AKAP13: variants seen among roughly 807,000 people sequenced by gnomAD.
AKAP13 encodes A-kinase anchor protein 13.
A neutral mutation model predicts 264.5 loss-of-function variants in AKAP13; 80 were observed. The ratio of observed to expected loss-of-function variants is 0.30; its 90% CI spans 0.25 to 0.36. The LOEUF (loss-of-function observed/expected upper bound fraction) is 0.36, where lower values mean the gene tolerates loss of function less well. Ranked by LOEUF, AKAP13 falls within the 10% of genes least tolerant of loss-of-function variation. The pLI is 1.00. For synonymous variants in AKAP13, 1,380 were observed against 1,250.2 expected, an observed-to-expected ratio of 1.10 and a Z score of -2.19; for missense variants, 3,712 against 3,435.2, an observed-to-expected ratio of 1.08 and a Z score of -2.01.
At chr15:85,701,878 T>C (rs1235418275) in intron 17 of AKAP13, among the ~76,000 whole-genome samples, 1 of 152,134 alleles carries the variant, frequency 6.6e-6, no homozygotes, top group East Asian at 1.9e-4. Flanking sequence ...CCAGAAGTAA[T>C]GTAGAAATAG....
In AKAP13 at chr15:85,737,607, T is replaced by C. The variant is rs76668299; in HGVS notation, c.7557+1473T>C. The stretch of plus-strand genomic sequence containing the variant: ...ATATTTGTTGCCACAAAAGTCTAAA[T>C]ACAGTGGAGTCCTGAAGGAATCCTT... On this transcript the variant is annotated intron_variant, in intron 33 of 36. Transcript: ENST00000394518. Among the ~76,000 whole-genome samples the C allele has an allele frequency of 7.3e-3, 1,116 of 152,292 alleles. 17 individuals are homozygous for C. Among genetic ancestry groups the C allele is most frequent in the African/African-American group, 0.026 (1,069 of 41,548 alleles).
intron 1 of AKAP13, among the ~76,000 whole-genome samples, chr15:85,418,174 C>A (rs1485885231): frequency 2.6e-5 from 4 of 151,662 alleles, no homozygotes; most frequent in Non-Finnish European, 5.9e-5. Flanking sequence ...CTCCTGGGCT[C>A]AAGGGACCCT....
Position 85,579,467 on chromosome 15 carries a change from G to C in AKAP13, c.1399G>C (p.Gly467Arg), listed in dbSNP as rs1567136146. 1 of 1,614,206 alleles carries C rather than the reference G, an allele frequency of 6.2e-7. No homozygotes were observed. Among genetic ancestry groups the C allele is most frequent in the Admixed American group, 1.7e-5 (1 of 60,032 alleles). The change falls in exon 7 of 37, where the codon GGC (glycine) becomes CGC (arginine). Residue 467 changes from glycine (G) to arginine (R), a missense_variant. Physicochemically the swap from Gly to Arg is moderately radical, Grantham distance 125 (BLOSUM62 -2). Coordinates refer to ENST00000394518, the MANE Select transcript of AKAP13 (RefSeq NM_007200.5). ...GTATTCCTCTGGAGGTGAACTGGGA[G>C]GCATTTCAACAACAAATGTCAGTAC... is the stretch of plus-strand genomic sequence containing the variant. ...AQYSSGGELG[G>R]ISTTNVSTPD...
intron 1 of AKAP13, among the ~76,000 whole-genome samples, chr15:85,434,597 G>C (rs901527890): frequency 1.3e-5 from 2 of 151,788 alleles, no homozygotes; most frequent in Admixed American, 6.6e-5. Context: ...GAGAGCAGTG[G>C]TTCTCCCAGC....
At chr15:85,717,962 C>G (rs1434536163) in intron 21 of AKAP13, 45 bp from the exon 22 acceptor site, 1 of 1,588,182 alleles carries the variant, frequency 6.3e-7, no homozygotes, top group East Asian at 2.2e-5. Flanking sequence ...GCTTATTTTA[C>G]AGGTCACAAA....
intron 8 of AKAP13, among the ~76,000 whole-genome samples, chr15:85,591,506 T>C (rs1011129919): frequency 8.5e-5 from 13 of 152,178 alleles, no homozygotes; most frequent in African/African-American, 3.1e-4. Context: ...ATGATGTTTC[T>C]CCAAAATGCT....
At chr15:85,697,085 A>C (rs12440743) in intron 17 of AKAP13, among the ~76,000 whole-genome samples, 14,396 of 152,244 alleles carry the variant, frequency 0.095, 827 homozygotes, top group East Asian at 0.21. Context: ...CAGATCCTTG[A>C]GGGACCCAGC....
rs59420326 is a variant in AKAP13 at position 85,498,199 on chromosome 15, G to GATATAT, written c.33+12469_33+12474dup. On this transcript the variant is annotated intron_variant, in intron 2 of 36. Coordinates refer to ENST00000394518, the MANE Select transcript of AKAP13 (RefSeq NM_007200.5). ...TGGTAGTAAGGATTAAATGAAGTGA[G>GATATAT]ATATATATATATATATATATATATA... Among the ~76,000 whole-genome samples the GATATAT allele has an allele frequency of 3.4e-3, 458 of 133,040 alleles. 8 individuals are homozygous for GATATAT. Among genetic ancestry groups the GATATAT allele is most frequent in the Admixed American group, 8.1e-3 (110 of 13,534 alleles). The allele number at this position is 133,040 out of a possible 152,430, so 87.3% of individuals were successfully genotyped here.
intron 15 of AKAP13, among the ~76,000 whole-genome samples, chr15:85,683,896 TA>T (rs2084750539): frequency 6.6e-6 from 1 of 152,208 alleles, no homozygotes; most frequent in African/African-American, 2.4e-5. Context: ...ATAAAACTCC[TA>T]AAATTGATCT....
chr15:85,689,595 A>G (rs2085156077), intron 16 of AKAP13, among the ~76,000 whole-genome samples: 1 of 152,200 alleles, frequency 6.6e-6, no homozygotes, highest in South Asian at 2.1e-4. Flanking sequence ...ACTAGTCACC[A>G]CTTTACACCA....
chr15:85,738,604 C>T (rs1344713306), intron 33 of AKAP13, among the ~76,000 whole-genome samples: 5 of 151,618 alleles, frequency 3.3e-5, no homozygotes, highest in Admixed American at 1.3e-4. Context: ...TTTGGGAGGC[C>T]GAGGCGGGTG....
intron 5 of AKAP13, among the ~76,000 whole-genome samples, chr15:85,551,166 T>C (rs1423635348): frequency 6.6e-6 from 1 of 152,170 alleles, no homozygotes; most frequent in Non-Finnish European, 1.5e-5. Context: ...TCTCAGTGCC[T>C]TTTTTTCCCC....
intron 1 of AKAP13, among the ~76,000 whole-genome samples, chr15:85,398,307 T>C (rs2071219859): frequency 6.6e-6 from 1 of 152,224 alleles, no homozygotes; most frequent in African/African-American, 2.4e-5. Flanking sequence ...TTATTTTTAT[T>C]ACAACAGTAA....
chr15:85,451,837 T>C (rs1325739551), intron 1 of AKAP13, among the ~76,000 whole-genome samples: 2 of 152,262 alleles, frequency 1.3e-5, no homozygotes, highest in East Asian at 3.8e-4. Flanking sequence ...CTGACAATTA[T>C]GTGTCTTGAG....
At chr15:85,637,573 GA>G (rs1160357536) in intron 8 of AKAP13, among the ~76,000 whole-genome samples, 1 of 151,936 alleles carries the variant, frequency 6.6e-6, no homozygotes, top group Non-Finnish European at 1.5e-5. Flanking sequence ...CCCTTTTAAG[GA>G]ACCAGCTTTT....
At chr15:85,621,990 A>G (rs776314773) in intron 8 of AKAP13, among the ~76,000 whole-genome samples, 3 of 152,168 alleles carry the variant, frequency 2.0e-5, no homozygotes, top group Non-Finnish European at 4.4e-5. Context: ...GAGTCCTGAA[A>G]ACACCCTGTT....
At chr15:85,597,692 G>A (rs1371525188) in intron 8 of AKAP13, among the ~76,000 whole-genome samples, 2 of 152,130 alleles carry the variant, frequency 1.3e-5, no homozygotes, top group Admixed American at 6.5e-5. Flanking sequence ...GGCAGATCAC[G>A]GTATAGGGTG....
chr15:85,650,788 A>AAACAAC (rs1555455271), intron 10 of AKAP13, among the ~76,000 whole-genome samples: 22 of 125,078 alleles, frequency 1.8e-4, no homozygotes, highest in East Asian at 4.6e-4. Flanking sequence ...AAAAAAAAAA[A>AAACAAC]AACAACAAAA....
At chr15:85,501,326 A>G (rs555657591) in intron 2 of AKAP13, among the ~76,000 whole-genome samples, 1 of 152,328 alleles carries the variant, frequency 6.6e-6, no homozygotes, top group African/African-American at 2.4e-5. Flanking sequence ...TCTTGCCACC[A>G]TATACTCGTG....
Sources: gnomAD v4.1 joint callset for allele counts (sites outside exome capture counted in the v4.1 genomes callset) on GRCh38, gnomAD v4.1.1 for gene constraint, MANE v1.5 for transcripts, NCBI Gene and HGNC (gene_info 2026-07-23, HGNC 2026-07-21) for gene names.